Variants in POC1A observed in about 807,000 individuals in gnomAD.
POC1A encodes POC1 centriolar protein homolog A.
A neutral mutation model predicts 47.8 loss-of-function variants in POC1A; 34 were observed. The observed-to-expected ratio is 0.71, with a 90% confidence interval of 0.54 to 0.95. The LOEUF (loss-of-function observed/expected upper bound fraction) is 0.95. Ranked by LOEUF, POC1A falls within the 40% of genes least tolerant of loss-of-function variation. POC1A has a pLI of 0.00. For missense variants in POC1A, 466 were observed against 528.3 expected (o/e 0.88, Z 1.16); for synonymous variants, 177 against 207.6 (o/e 0.85, Z 1.27).
intron 1 of POC1A, 137 bp from the exon 2 acceptor site, chr3:52,151,237 A>AGT: frequency 1.5e-6 from 2 of 1,291,896 alleles, no homozygotes; most frequent in Non-Finnish European, 2.1e-6. Flanking sequence ...GAAAATCCTA[A>AGT]GGAATCCACT....
intron 7 of POC1A, among the ~76,000 whole-genome samples, chr3:52,137,498 C>G (rs1704519361): frequency 6.6e-6 from 1 of 152,146 alleles, no homozygotes; most frequent in Non-Finnish European, 1.5e-5. Flanking sequence ...GACGACCGCT[C>G]TGATCAGGAG....
intron 9 of POC1A, among the ~76,000 whole-genome samples, chr3:52,099,215 G>A (rs539931107): frequency 1.2e-4 from 18 of 152,272 alleles, no homozygotes; most frequent in East Asian, 9.6e-4. Context: ...AGGGCCCACC[G>A]AGGTAAAATT....
chr3:52,132,470 T>A (rs1704250733), intron 7 of POC1A, among the ~76,000 whole-genome samples: 1 of 152,106 alleles, frequency 6.6e-6, no homozygotes, highest in Non-Finnish European at 1.5e-5. Context: ...CAATCAAAGA[T>A]GTTTGCAAAG....
intron 10 of POC1A, among the ~76,000 whole-genome samples, chr3:52,092,691 C>A (rs1296790438): frequency 6.6e-6 from 1 of 152,142 alleles, no homozygotes; most frequent in Non-Finnish European, 1.5e-5. Flanking sequence ...GAAGACTGCA[C>A]CTGCTCGGCT....
At chr3:52,151,564 T>C (rs905769542) in intron 1 of POC1A, among the ~76,000 whole-genome samples, 3 of 150,536 alleles carry the variant, frequency 2.0e-5, no homozygotes, top group African/African-American at 7.4e-5. Context: ...TGAGCAGAGA[T>C]TGTGCCACTG....
intron 10 of POC1A, among the ~76,000 whole-genome samples, chr3:52,089,294 A>C (rs912122912): frequency 6.6e-6 from 1 of 152,052 alleles, no homozygotes; most frequent in Admixed American, 6.5e-5. Flanking sequence ...GGGCTGGGGA[A>C]TCACCAGGGG....
Position 52,090,054 on chromosome 3 carries a change from T to C in POC1A, c.1125+6515A>G, listed in dbSNP as rs188145623. 1.3e-3 allele frequency among the ~76,000 whole-genome samples: 203 copies of C among 152,300 alleles called. No homozygotes were observed. Among genetic ancestry groups the C allele is most frequent in the Admixed American group, 0.011 (175 of 15,306 alleles). On this transcript the variant is annotated intron_variant, in intron 10 of 10. Coordinates refer to ENST00000296484, the MANE Select transcript of POC1A (RefSeq NM_015426.5). The surrounding 1 kb of genome is among the most constrained non-coding windows in gnomAD (Gnocchi z 4.2). ...AAACAGGCAAAAATCCTTGGCCTTG[T>C]TGAGTTAGGACAGCAAAACGCAATG...
intron 7 of POC1A, among the ~76,000 whole-genome samples, chr3:52,134,895 C>T (rs1255370956): frequency 6.6e-6 from 1 of 152,166 alleles, no homozygotes; most frequent in East Asian, 1.9e-4. Context: ...GAGCCCCAGG[C>T]TGCTCAGCCA....
At chr3:52,134,568 G>T (rs1227722328) in intron 7 of POC1A, among the ~76,000 whole-genome samples, 3 of 152,168 alleles carry the variant, frequency 2.0e-5, no homozygotes, top group Admixed American at 6.5e-5. Context: ...GGAGATGGAG[G>T]TTGCAGTGAG....
At chr3:52,138,080 G>A in intron 7 of POC1A, 89 bp downstream of exon 7, 1 of 1,412,422 alleles carries the variant, frequency 7.1e-7, no homozygotes, top group Non-Finnish European at 9.9e-7. Context: ...CTGTGTGGGT[G>A]ACAAGCCTGT....
At chr3:52,095,855 C>T (rs143854938) in intron 10 of POC1A, among the ~76,000 whole-genome samples, 140 of 152,362 alleles carry the variant, frequency 9.2e-4, no homozygotes, top group African/African-American at 2.9e-3. Context: ...CTGGCCACCA[C>T]CTCTTGTCAA....
chr3:52,081,186 C>T (rs1055907113), intron 10 of POC1A, among the ~76,000 whole-genome samples: 12 of 152,218 alleles, frequency 7.9e-5, no homozygotes, highest in African/African-American at 1.2e-4. Context: ...AAACTACGGC[C>T]GGCTGCCCCT....
At chr3:52,133,472 G>A (rs1465338779) in intron 7 of POC1A, among the ~76,000 whole-genome samples, 3 of 152,138 alleles carry the variant, frequency 2.0e-5, no homozygotes, top group Non-Finnish European at 4.4e-5. Flanking sequence ...GGGCCGATGT[G>A]TGCCACTCAT....
intron 9 of POC1A, among the ~76,000 whole-genome samples, chr3:52,121,820 T>C (rs1456977996): frequency 6.6e-6 from 1 of 152,226 alleles, no homozygotes; most frequent in Admixed American, 6.5e-5. Flanking sequence ...ATCAATTTTT[T>C]TCCCCAAATA....
chr3:52,099,258 T>C (rs537458232), intron 9 of POC1A, among the ~76,000 whole-genome samples: 6 of 152,312 alleles, frequency 3.9e-5, no homozygotes, highest in Admixed American at 2.6e-4. Context: ...ATGTCTGCAC[T>C]GCAGCAAAGG....
At chr3:52,124,957 C>A (rs878962298) in intron 8 of POC1A, among the ~76,000 whole-genome samples, 156 bp downstream of exon 8, 1 of 152,164 alleles carries the variant, frequency 6.6e-6, no homozygotes, top group African/African-American at 2.4e-5. Context: ...ATCTGGGCAA[C>A]CCCACCCCAA....
chr3:52,144,767 A>C (rs1212393655), intron 6 of POC1A, among the ~76,000 whole-genome samples: 2 of 152,168 alleles, frequency 1.3e-5, no homozygotes, highest in African/African-American at 4.8e-5. Context: ...TGTGCTGTTC[A>C]AGATTAGGAT....
At chr3:52,106,641 C>CATCT (rs1703193986) in intron 9 of POC1A, among the ~76,000 whole-genome samples, 1 of 152,154 alleles carries the variant, frequency 6.6e-6, no homozygotes, top group Admixed American at 6.5e-5. Flanking sequence ...GACCACAGAC[C>CATCT]ATCTCCCCGT....
At chr3:52,124,737 C>T (rs1385990854) in intron 8 of POC1A, among the ~76,000 whole-genome samples, 1 of 152,186 alleles carries the variant, frequency 6.6e-6, no homozygotes, top group African/African-American at 2.4e-5. Context: ...GTCACATTGG[C>T]CATATTCCCA....
Sources: gnomAD v4.1 joint callset for allele counts (sites outside exome capture counted in the v4.1 genomes callset) on GRCh38, gnomAD v4.1.1 for gene constraint, Gnocchi (gnomAD v3.1) non-coding constraint, MANE v1.5 for transcripts, NCBI Gene and HGNC (gene_info 2026-07-23, HGNC 2026-07-21) for gene names.